The following WDHD1 variants were observed in gnomAD, a reference collection of about 807,000 sequenced individuals.
The protein encoded by WDHD1 is WD repeat and HMG-box DNA binding protein 1.
WDHD1 carries 111 observed loss-of-function variants against 135.4 expected under a neutral mutation model. The ratio of observed to expected loss-of-function variants is 0.82; its 90% CI spans 0.70 to 0.96. The LOEUF is 0.96. Among genes scored for constraint, WDHD1 ranks in the 40% least tolerant of loss-of-function variants. WDHD1 has a pLI of 0.00. For missense variants in WDHD1, 1,351 were observed against 1,336.3 expected (o/e 1.01, Z -0.17); for synonymous variants, 434 against 439.0 (o/e 0.99, Z 0.14).
intron 14 of WDHD1, among the ~76,000 whole-genome samples, chr14:54,986,775 G>A (rs1201127053): frequency 6.6e-6 from 1 of 152,050 alleles, no homozygotes; most frequent in Non-Finnish European, 1.5e-5. Flanking sequence ...AGACATGAGG[G>A]GAGGAAAAAG....
rs2040809729 is a variant in WDHD1 at position 54,939,565 on chromosome 14, C to T, written c.*1925G>A. ...ATTTATTTCCATTTTCACTTTCATACTATTCAGTCCCAATTCTCTGGAAAA... is the reference window on the plus strand; with the variant it reads ...ATTTATTTCCATTTTCACTTTCATATTATTCAGTCCCAATTCTCTGGAAAA... On this transcript the variant is annotated 3_prime_UTR_variant, in exon 26 of 26. Transcript: ENST00000360586. 1 of 139,502 alleles carries T rather than the reference C, an allele frequency of 7.2e-6. No homozygotes were observed. Among genetic ancestry groups the T allele is most frequent in the South Asian group, 2.4e-4 (1 of 4,136 alleles). The allele number at this position is 139,502 out of a possible 1,614,324, so 8.6% of individuals were successfully genotyped here.
intron 24 of WDHD1, among the ~76,000 whole-genome samples, chr14:54,945,590 G>T (rs1195518805): frequency 6.6e-6 from 1 of 152,082 alleles, no homozygotes; most frequent in Non-Finnish European, 1.5e-5. Context: ...CCCTATGCTG[G>T]AGTACAGTGG....
chr14:54,977,910 T>C (rs200112029), intron 16 of WDHD1, among the ~76,000 whole-genome samples: 4 of 15,802 alleles, frequency 2.5e-4, no homozygotes, highest in Non-Finnish European at 1.1e-3. Context: ...AAGGGTTGTG[T>C]GGAAAAAAAA....
chr14:54,990,735 T>A (rs2041772202), intron 12 of WDHD1, among the ~76,000 whole-genome samples: 1 of 152,116 alleles, frequency 6.6e-6, no homozygotes, highest in South Asian at 2.1e-4. Context: ...AAAACAAAAA[T>A]CTTTATCCTC....
rs114853027 is a variant in WDHD1 at position 54,995,477 on chromosome 14, T to G, written c.1153+126A>C. ...CTTTTTTAACAAAGTCATTTAATGCTATAAAATTTCCTCTAAGCACCACTT... is the reference window on the plus strand; with the variant it reads ...CTTTTTTAACAAAGTCATTTAATGCGATAAAATTTCCTCTAAGCACCACTT... On this transcript the variant is annotated intron_variant, in intron 11 of 25. Transcript: ENST00000360586. 2.4e-3 allele frequency: 1,544 copies of G among 653,140 alleles called. 13 individuals are homozygous for G. In the African/African-American group the frequency reaches 0.025, roughly 11 times the overall value. 40.5% of individuals were successfully genotyped at this position (653,140 alleles called of 1,614,324 possible).
In WDHD1 at chr14:54,984,737, C is replaced by T; in HGVS notation, c.1892G>A (p.Gly631Glu). 1.9e-6 allele frequency: 3 copies of T among 1,606,182 alleles called. No homozygotes were observed. The highest frequency in any genetic ancestry group is 2.5e-6 in the Non-Finnish European group (3 of 1,177,484). ...ATTTATCTTGCCTTCAGCTGAAAACCCAATCCATGCAAGGTAGGATTTCCT... is the reference window on the plus strand; with the variant it reads ...ATTTATCTTGCCTTCAGCTGAAAACTCAATCCATGCAAGGTAGGATTTCCT... ...LTRKSYLAWI[G>E]FSAEGTPCYV... is the part of the protein sequence containing the mutation. Residue 631 changes from glycine to glutamate, a missense_variant, in exon 15 of 26, where the codon GGG becomes GAG. Around this residue, in one of 2 missense-constraint regions of WDHD1, gnomAD observed 1,330 missense variants for 1,296.1 expected, o/e 1.03. Coordinates refer to ENST00000360586, the MANE Select transcript of WDHD1 (RefSeq NM_007086.4).
intron 11 of WDHD1, among the ~76,000 whole-genome samples, chr14:54,993,426 A>G (rs573776640): frequency 6.6e-5 from 10 of 152,270 alleles, no homozygotes; most frequent in Admixed American, 1.3e-4. Flanking sequence ...AGCCAGACCA[A>G]TGAATCTTAA....
At chr14:55,021,126 CCTTTTT>C (rs1270593877) in intron 2 of WDHD1, among the ~76,000 whole-genome samples, 2 of 152,152 alleles carry the variant, frequency 1.3e-5, no homozygotes, top group East Asian at 3.9e-4. Context: ...TGACTCTTTT[CCTTTTT>C]AATTTCTCTA....
In WDHD1 at chr14:55,010,737, T is replaced by C. The variant is rs996093199; in HGVS notation, c.190-277A>G. Reference sequence around the variant, plus strand: ...GAAAAATGTTTGAATAGTACTTCTATGGATCCTAAGTGTTATAAAAAGGAA... The same window carrying C: ...GAAAAATGTTTGAATAGTACTTCTACGGATCCTAAGTGTTATAAAAAGGAA... On this transcript the variant is annotated intron_variant, in intron 3 of 25. Coordinates refer to ENST00000360586, the MANE Select transcript of WDHD1 (RefSeq NM_007086.4). 9.2e-5 allele frequency among the ~76,000 whole-genome samples: 14 copies of C among 152,252 alleles called. 1 individual carries two copies. In the South Asian group the frequency reaches 2.5e-3, roughly 27 times the overall value.
At chr14:54,979,950 C>T (rs1429278397) in intron 16 of WDHD1, among the ~76,000 whole-genome samples, 1 of 152,190 alleles carries the variant, frequency 6.6e-6, no homozygotes, top group Non-Finnish European at 1.5e-5. Context: ...ATAGTGTCCT[C>T]ATCCTTTTTA....
In WDHD1 at chr14:54,963,007, T is replaced by C. The variant is rs370012580; in HGVS notation, c.2476A>G (p.Thr826Ala). The C allele has an allele frequency of 2.5e-6, 4 of 1,613,958 alleles. No homozygotes were observed. In the Admixed American group the frequency reaches 5.0e-5, roughly 20 times the overall value. The change falls in exon 19 of 26, where the codon ACC (threonine) becomes GCC (alanine). Residue 826 changes from threonine to alanine, a missense_variant. Physicochemically the swap from Thr to Ala is moderately conservative, Grantham distance 58. This residue lies in a region of WDHD1 where 1,330 missense variants were observed against 1,296.1 expected (regional missense o/e 1.03). Transcript: ENST00000360586. ...AVEKAAELTA[T>A]QVEEEEEEED... is the part of the protein sequence containing the mutation. ...TCTTCTTCTTCCTCTTCCACCTGGG[T>C]TGCTGTCAATTCGGCTGCCTTCTCT...
chr14:54,945,397 A>G (rs773667062), intron 24 of WDHD1, among the ~76,000 whole-genome samples: 1 of 152,224 alleles, frequency 6.6e-6, no homozygotes, highest in Non-Finnish European at 1.5e-5. Flanking sequence ...TTAAATGACA[A>G]TAACACTATG....
chr14:54,942,755 C>T (rs1193624107), intron 25 of WDHD1, among the ~76,000 whole-genome samples: 2 of 152,240 alleles, frequency 1.3e-5, no homozygotes, highest in African/African-American at 4.8e-5. Context: ...ACTTTATTTC[C>T]CTGGCCATTT....
intron 4 of WDHD1, 94 bp from the exon 5 acceptor site, chr14:55,008,813 CTTT>C: frequency 1.3e-6 from 1 of 792,300 alleles, no homozygotes; most frequent in Non-Finnish European, 1.8e-6. Flanking sequence ...TTTTTTTTTT[CTTT>C]TTGAGACGGA....
In WDHD1 at chr14:54,958,287, C is replaced by T. The variant is rs1412586150; in HGVS notation, c.2702-652G>A. On this transcript the variant is annotated intron_variant, in intron 21 of 25. Transcript: ENST00000360586. ...GATTACAGGCGCCTGCTACCACGCC[C>T]GGCTAATTTTTGTATTTTTAATAGA... Among the ~76,000 whole-genome samples the T allele has an allele frequency of 5.9e-5, 9 of 151,954 alleles. No homozygotes were observed. The East Asian group carries it at 9.7e-4, about 16-fold the overall frequency.
intron 21 of WDHD1, among the ~76,000 whole-genome samples, chr14:54,961,998 A>G (rs3783644): frequency 0.42 from 64,055 of 151,826 alleles, 15,343 homozygotes; most frequent in African/African-American, 0.66. Context: ...CACCACCCTC[A>G]GCTAATTTTT....
intron 3 of WDHD1, 133 bp downstream of exon 3, chr14:55,013,352 T>C (rs2042205292): frequency 3.2e-6 from 2 of 622,130 alleles, no homozygotes. Flanking sequence ...GTTACGGCAT[T>C]ATCATACATT....
intron 16 of WDHD1, among the ~76,000 whole-genome samples, chr14:54,973,719 G>A (rs567404145): frequency 6.6e-5 from 10 of 152,246 alleles, no homozygotes; most frequent in Middle Eastern, 3.4e-3. Context: ...AAAATTAGAA[G>A]AAACACTGTG....
At chr14:55,010,840 A>G (rs973918526) in intron 3 of WDHD1, among the ~76,000 whole-genome samples, 4 of 152,258 alleles carry the variant, frequency 2.6e-5, no homozygotes, top group Non-Finnish European at 4.4e-5. Flanking sequence ...CACGGCCACA[A>G]TGGCCACTGC....
Sources: allele counts gnomAD v4.1 joint callset (sites outside exome capture counted in the v4.1 genomes callset), GRCh38; gene constraint gnomAD v4.1.1; regional missense constraint gnomAD v4.1.1; transcripts MANE v1.5; gene names NCBI Gene and HGNC (gene_info 2026-07-23, HGNC 2026-07-21).